The following CTPS1 variants were observed in gnomAD, a reference collection of about 807,000 sequenced individuals.
The protein encoded by CTPS1 is CTP synthetase 1.
Under a neutral mutation model 80.5 loss-of-function variants are expected in CTPS1, and 25 were observed. That is an observed-to-expected ratio of 0.31 (90% CI 0.23 to 0.43). The LOEUF is 0.43. CTPS1 is among the 20% of genes least tolerant of loss of function. The pLI, the probability that CTPS1 is intolerant of heterozygous loss-of-function variation, is 1.00. For missense variants in CTPS1, 442 were observed against 725.7 expected (o/e 0.61, Z 4.49); for synonymous variants, 267 against 252.5 (o/e 1.06, Z -0.54).
chr1:41,002,327 T>A, intron 11 of CTPS1, 73 bp downstream of exon 11: 1 of 1,194,500 alleles, frequency 8.4e-7, no homozygotes, highest in Non-Finnish European at 1.2e-6. Context: ...TGGGAGCCTA[T>A]GAACAAAGTG....
At position 41,007,677 on chromosome 1, in the gene CTPS1, T is replaced by C; in HGVS notation, c.1393+132T>C. ...GTTCTTGCTTTTGAAGTTCATTCTTTCCTCTCTTATTCATACCCTTTTAGG... is the reference window on the plus strand; with the variant it reads ...GTTCTTGCTTTTGAAGTTCATTCTTCCCTCTCTTATTCATACCCTTTTAGG... On this transcript the variant is annotated intron_variant, in intron 14 of 18. Transcript: ENST00000650070. This position sits in a 1 kb window ranked among gnomAD's most constrained non-coding sequence, Gnocchi z 4.4. 1.5e-6 allele frequency: 1 copy of C among 688,310 alleles called. No homozygotes were observed. Among genetic ancestry groups the C allele is most frequent in the Non-Finnish European group, 2.5e-6 (1 of 396,492 alleles). 42.6% of individuals were successfully genotyped at this position (688,310 alleles called of 1,614,324 possible).
intron 9 of CTPS1, chr1:41,000,715 A>C (rs1310621290): frequency 6.2e-6 from 1 of 160,092 alleles, no homozygotes; most frequent in Admixed American, 6.5e-5. Flanking sequence ...GTCATTGAAC[A>C]GAAAGCCCTC....
intron 18 of CTPS1, 114 bp from the exon 19 acceptor site, chr1:41,011,544 A>G (rs562580876): frequency 2.2e-4 from 33 of 152,334 alleles, no homozygotes; most frequent in African/African-American, 7.9e-4. Context: ...GGCTCCTTCT[A>G]CTGCTCTGCC....
At chr1:41,004,993 G>A (rs1319831008) in intron 12 of CTPS1, among the ~76,000 whole-genome samples, 2 of 151,516 alleles carry the variant, frequency 1.3e-5, no homozygotes, top group Non-Finnish European at 2.9e-5. Flanking sequence ...ACCAGGTGTG[G>A]TGGTGTGCGC....
intron 7 of CTPS1, among the ~76,000 whole-genome samples, chr1:40,995,568 T>A (rs969550179): frequency 4.6e-5 from 7 of 152,088 alleles, no homozygotes; most frequent in Non-Finnish European, 7.4e-5. Context: ...TGGCTAAATT[T>A]TGTATTTTTT....
intron 4 of CTPS1, 164 bp from the exon 5 acceptor site, chr1:40,988,430 A>G (rs1642514410): frequency 1.6e-6 from 1 of 611,506 alleles, no homozygotes; most frequent in African/African-American, 1.8e-5. Flanking sequence ...TAGTACAAAG[A>G]GTTGTCTAAT....
chr1:40,980,146 TCAG>T (rs1651798506), intron 1 of CTPS1: 5 of 151,246 alleles, frequency 3.3e-5, no homozygotes, highest in Non-Finnish European at 7.4e-5. Flanking sequence ...CCGCGCCGAA[TCAG>T]CTCGGCCGGG....
chr1:41,000,504 C>T (rs962546698), intron 9 of CTPS1, among the ~76,000 whole-genome samples: 17 of 151,768 alleles, frequency 1.1e-4, no homozygotes, highest in Non-Finnish European at 1.2e-4. Context: ...CCACCCGCCT[C>T]GGCCTTCCAA....
Position 40,992,796 on chromosome 1 carries a change from C to T in CTPS1, c.720+951C>T, listed in dbSNP as rs143493771. On this transcript the variant is annotated intron_variant, in intron 7 of 18. Transcript: ENST00000650070. ...GTGACCTCCACCTCCCAGGTTCAAG[C>T]GATTCTCCTACCTCAGCTTCCCGAG... Among the ~76,000 whole-genome samples the T allele has an allele frequency of 7.7e-3, 1,153 of 149,804 alleles. 20 individuals are homozygous for T. The highest frequency in any genetic ancestry group is 0.027 in the African/African-American group (1,108 of 40,606).
intron 1 of CTPS1, chr1:40,981,368 C>T (rs917917850): frequency 2.6e-5 from 4 of 152,274 alleles, no homozygotes; most frequent in African/African-American, 7.2e-5. Context: ...ATGTTAAACT[C>T]TTAGAGTAAA....
At chr1:41,001,437 A>T (rs1642901723) in intron 10 of CTPS1, 1 of 277,270 alleles carries the variant, frequency 3.6e-6, no homozygotes, top group African/African-American at 2.3e-5. Context: ...GCTGTTATTT[A>T]TAATAGTAAA....
intron 16 of CTPS1, 119 bp from the exon 17 acceptor site, chr1:41,009,326 A>T: frequency 9.6e-7 from 1 of 1,045,960 alleles, no homozygotes; most frequent in Non-Finnish European, 1.4e-6. Context: ...TTCAAATGAG[A>T]AAGTCATTTT....
intron 18 of CTPS1, 148 bp downstream of exon 18, chr1:41,010,402 A>G (rs1260964925): frequency 3.2e-6 from 2 of 620,372 alleles, no homozygotes; most frequent in Non-Finnish European, 5.7e-6. Context: ...AGGTTGAGAG[A>G]GAAAAGAAAG....
chr1:40,994,774 CATTAAT>C (rs1300237311), intron 7 of CTPS1, among the ~76,000 whole-genome samples: 1 of 152,210 alleles, frequency 6.6e-6, no homozygotes, highest in East Asian at 1.9e-4. Context: ...AAATAGTAAA[CATTAAT>C]ATTAAACCAT....
chr1:40,998,396 TAAAAAA>T (rs56282224), intron 9 of CTPS1, among the ~76,000 whole-genome samples: 1 of 64,586 alleles, frequency 1.5e-5, no homozygotes, highest in African/African-American at 7.5e-5. Flanking sequence ...AGACTCTGTC[TAAAAAA>T]AAAAAAAAAA....
intron 11 of CTPS1, 120 bp from the exon 12 acceptor site, chr1:41,002,994 A>G: frequency 1.1e-6 from 1 of 911,522 alleles, no homozygotes; most frequent in Middle Eastern, 2.2e-4. Context: ...GCAGGAAGTT[A>G]TGAGTTTGCA....
intron 9 of CTPS1, 75 bp from the exon 10 acceptor site, chr1:41,000,954 A>C: frequency 3.3e-6 from 3 of 904,136 alleles, no homozygotes; most frequent in Non-Finnish European, 4.9e-6. Flanking sequence ...TAAAATGATA[A>C]TATTATTTAA....
intron 8 of CTPS1, among the ~76,000 whole-genome samples, chr1:40,996,627 A>T (rs1642759493): frequency 6.6e-6 from 1 of 152,208 alleles, no homozygotes; most frequent in Non-Finnish European, 1.5e-5. Context: ...TTGCAAGATC[A>T]ATATGATGGC....
At chr1:40,991,403 A>G (rs1354710441) in intron 6 of CTPS1, among the ~76,000 whole-genome samples, 155 bp downstream of exon 6, 1 of 152,212 alleles carries the variant, frequency 6.6e-6, no homozygotes, top group Non-Finnish European at 1.5e-5. Flanking sequence ...TGTAGTTTGC[A>G]AGATGTTCAT....
Sources: gnomAD v4.1 joint callset for allele counts (sites outside exome capture counted in the v4.1 genomes callset) on GRCh38, gnomAD v4.1.1 for gene constraint, Gnocchi (gnomAD v3.1) non-coding constraint, MANE v1.5 for transcripts, NCBI Gene and HGNC (gene_info 2026-07-23, HGNC 2026-07-21) for gene names.